RAPGEF3: variants seen among roughly 807,000 people sequenced by gnomAD.
RAPGEF3 encodes the protein 9330170P05Rik.
RAPGEF3 carries 103 observed loss-of-function variants against 129.8 expected under a neutral mutation model. The observed-to-expected ratio is 0.79, with a 90% CI of 0.68 to 0.93. RAPGEF3 has a LOEUF of 0.93. Ranked by LOEUF, RAPGEF3 falls within the 40% of genes least tolerant of loss-of-function variation. The pLI is 0.00. For synonymous variants in RAPGEF3, 436 were observed against 482.6 expected, an observed-to-expected ratio of 0.90 and a Z score of 1.26; for missense variants, 1,117 against 1,207.4, an observed-to-expected ratio of 0.93 and a Z score of 1.11.
chr12:47,746,441 C>T, intron 16 of RAPGEF3: 1 of 548,022 alleles, frequency 1.8e-6, no homozygotes, highest in Non-Finnish European at 3.2e-6. Context: ...CTTTAAGCCC[C>T]AGCTGAGAAT....
intron 1 of RAPGEF3, 92 bp downstream of exon 1, chr12:47,758,459 A>T (rs1245513000): frequency 6.3e-7 from 1 of 1,585,538 alleles, no homozygotes; most frequent in African/African-American, 1.3e-5. Flanking sequence ...AGCCCTGACT[A>T]ACCCTCCCTC....
chr12:47,741,844 G>A (rs1389812258), intron 18 of RAPGEF3: 1 of 552,432 alleles, frequency 1.8e-6, no homozygotes, highest in Non-Finnish European at 3.3e-6. Flanking sequence ...CCTGGGCAGG[G>A]TCTGAGCCTC....
At chr12:47,748,696 G>A (rs1941574684) in intron 11 of RAPGEF3, 123 bp downstream of exon 11, 2 of 1,013,882 alleles carry the variant, frequency 2.0e-6, no homozygotes, top group Non-Finnish European at 1.5e-6. Context: ...GCACATCCTG[G>A]TCCCTCAATA....
chr12:47,737,863 GC>G (rs1291501876), intron 27 of RAPGEF3, among the ~76,000 whole-genome samples, 158 bp downstream of exon 27: 1 of 152,198 alleles, frequency 6.6e-6, no homozygotes, highest in African/African-American at 2.4e-5. Context: ...GGACCGAAGA[GC>G]CCCCTGGCTC....
rs1022286527 is a variant in RAPGEF3 at position 47,749,154 on chromosome 12, C to T, written c.1042-223G>A. ...CCCCGCCCCCTGCATGCCCATCCTT[C>T]CCCTGGTCTCCCACACTGAGCCTGA... On this transcript the variant is annotated intron_variant, in intron 10 of 27. Coordinates refer to ENST00000449771, the MANE Select transcript of RAPGEF3 (RefSeq NM_001098531.4). The surrounding 1 kb of genome is among the most constrained non-coding windows in gnomAD (Gnocchi z 4.5). 7.9e-6 allele frequency: 5 copies of T among 636,476 alleles called. 1 individual carries two copies. Among genetic ancestry groups the T allele is most frequent in the African/African-American group, 7.3e-5 (4 of 54,670 alleles). 39.4% of individuals were successfully genotyped at this position (636,476 alleles called of 1,614,324 possible). A position where few individuals can be genotyped will look rare whatever the true frequency, so the allele number is the denominator to read the frequency against.
rs776315179 is a variant in RAPGEF3 at position 47,749,568 on chromosome 12, T to TGCCGCCCCC, written c.895-33_895-32insGGGGGCGGC. On this transcript the variant is annotated intron_variant, in intron 9 of 27. Transcript: ENST00000449771. This position sits in a 1 kb window ranked among gnomAD's most constrained non-coding sequence, Gnocchi z 4.5. ...CCAGGCCTCAGTCTCAGCCCGCCCC[T>TGCCGCCCCC]GCCGCCCCTGCCGCCCCCAGCTCTT... The TGCCGCCCCC allele has an allele frequency of 4.8e-5, 70 of 1,453,300 alleles. No individual in the cohort carries two copies. The highest frequency in any genetic ancestry group is 5.9e-5 in the Non-Finnish European group (64 of 1,080,104). The allele number at this position is 1,453,300 out of a possible 1,614,324, so 90.0% of individuals were successfully genotyped here.
At chr12:47,740,037 C>A in intron 23 of RAPGEF3, 104 bp downstream of exon 23, 1 of 1,359,046 alleles carries the variant, frequency 7.4e-7, no homozygotes, top group Non-Finnish European at 1.0e-6. Flanking sequence ...TGACAAAGGA[C>A]GAGTAGAGGG....
chr12:47,749,021 C>T lies in RAPGEF3; in HGVS notation c.1042-90G>A. ...CTCCTTCATTCCAGCCCCTGAGCCC[C>T]ATGAGGGTCCCACAGGGACCCACAG... On this transcript the variant is annotated intron_variant, in intron 10 of 27. Transcript: ENST00000449771. The surrounding 1 kb of genome is among the most constrained non-coding windows in gnomAD (Gnocchi z 4.5). The T allele has an allele frequency of 8.7e-7, 1 of 1,143,880 alleles. No homozygotes were observed. The highest frequency in any genetic ancestry group is 1.3e-6 in the Non-Finnish European group (1 of 766,652). 70.9% of individuals were successfully genotyped at this position (1,143,880 alleles called of 1,614,324 possible).
At chr12:47,741,113 G>T (rs1172405063) in intron 19 of RAPGEF3, 73 bp from the exon 20 acceptor site, 2 of 1,521,908 alleles carry the variant, frequency 1.3e-6, no homozygotes, top group Admixed American at 3.6e-5. Context: ...GGAGAGGGTT[G>T]GGGCAAGGAC....
chr12:47,737,832 C>A, intron 27 of RAPGEF3, 147 bp from the exon 28 acceptor site: 1 of 1,124,708 alleles, frequency 8.9e-7, no homozygotes, highest in Non-Finnish European at 1.3e-6. Flanking sequence ...ACGGCTGTCC[C>A]TGCCCACCCC....
chr12:47,747,134 G>C (rs1344672453), intron 15 of RAPGEF3, among the ~76,000 whole-genome samples: 1 of 152,126 alleles, frequency 6.6e-6, no homozygotes, highest in Non-Finnish European at 1.5e-5. Context: ...GCAGACCCAG[G>C]GTTTCAGATC....
chr12:47,750,065 G>T (rs1360971365), intron 7 of RAPGEF3, 75 bp from the exon 8 acceptor site: 5 of 1,550,538 alleles, frequency 3.2e-6, no homozygotes, highest in Admixed American at 1.7e-5. Context: ...TAGGGGTGTG[G>T]TTAGGTCCAA....
At chr12:47,741,366 C>T (rs1274143474) in intron 19 of RAPGEF3, 139 bp downstream of exon 19, 1 of 832,766 alleles carries the variant, frequency 1.2e-6, no homozygotes, top group Non-Finnish European at 2.0e-6. Context: ...AGGCCCACTC[C>T]TTTGTGTGCT....
chr12:47,746,794 A>C (rs747511433), intron 16 of RAPGEF3, 66 bp downstream of exon 16: 1 of 1,468,926 alleles, frequency 6.8e-7, no homozygotes, highest in Admixed American at 2.0e-5. Flanking sequence ...CCTCAGGGTC[A>C]GGGGGCGAAG....
In RAPGEF3 at chr12:47,738,056, G is replaced by A. The variant is rs1324625866; in HGVS notation, c.2619C>T (p.Leu873=). Residue 873 remains leucine (L), a synonymous_variant, in exon 27 of 28, where the codon CTC becomes CTT. Transcript: ENST00000449771. ...TCCTCGCCACCTGGCTGTCCTCGTG[G>A]AGGTGGGAAACTCGGCTTCTGAGTG... The part of the protein sequence containing the change: ...LSPLRSRVSH[L]HEDSQVARIS... The A allele has an allele frequency of 6.2e-7, 1 of 1,614,150 alleles. No homozygotes were observed. The highest frequency in any genetic ancestry group is 2.2e-5 in the East Asian group (1 of 44,874).
intron 24 of RAPGEF3, 63 bp from the exon 25 acceptor site, chr12:47,738,817 G>C: frequency 6.9e-7 from 1 of 1,442,960 alleles, no homozygotes; most frequent in Non-Finnish European, 9.8e-7. Context: ...GCCCAGAAAA[G>C]GTGAAGGGCA....
chr12:47,749,469 C>T lies in RAPGEF3; in HGVS notation c.962G>A (p.Arg321Gln), dbSNP rs377235272. ...TTCTCGCAGGATGATGGTGGCTGCC[C>T]GGGGTGCATCATTCACCAGAGCCAG... Reference protein sequence around the residue: ...GQLALVNDAPRAATIILREDN... With the variant: ...GQLALVNDAPQAATIILREDN... The change falls in exon 10 of 28, where the codon CGG becomes CAG. Residue 321 changes from arginine (R) to glutamine (Q), a missense_variant. This residue lies in a region of RAPGEF3 where 107 missense variants were observed against 160.7 expected (regional missense o/e 0.67). Transcript: ENST00000449771. The surrounding 1 kb of genome is among the most constrained non-coding windows in gnomAD (Gnocchi z 4.5). 20 of 1,613,224 alleles carry T rather than the reference C, an allele frequency of 1.2e-5. No homozygotes were observed. The highest frequency in any genetic ancestry group is 7.7e-5 in the South Asian group (7 of 91,074).
intron 19 of RAPGEF3, 62 bp downstream of exon 19, chr12:47,741,443 C>T (rs1470578793): frequency 6.7e-6 from 10 of 1,492,382 alleles, no homozygotes; most frequent in South Asian, 3.4e-5. Context: ...CCCCAGAATC[C>T]ACCACTGCCA....
intron 16 of RAPGEF3, 107 bp from the exon 17 acceptor site, chr12:47,744,175 G>A (rs548594126): frequency 2.3e-6 from 2 of 887,730 alleles, no homozygotes; most frequent in Admixed American, 2.3e-5. Context: ...GCGCCACACA[G>A]CATTCACACC....
Sources: gnomAD v4.1 joint callset for allele counts (sites outside exome capture counted in the v4.1 genomes callset) on GRCh38, gnomAD v4.1.1 for gene constraint, gnomAD v4.1.1 regional missense constraint, Gnocchi (gnomAD v3.1) non-coding constraint, MANE v1.5 for transcripts, NCBI Gene and HGNC (gene_info 2026-07-23, HGNC 2026-07-21) for gene names.